MALAT1: variants seen among roughly 807,000 people sequenced by gnomAD.
MALAT1 encodes hepcarcin.
chr11:65,505,037 G>C lies in MALAT1; in HGVS notation n.5168+1132G>C, dbSNP rs867944902. 7.7e-6 allele frequency: 4 copies of C among 518,832 alleles called. No homozygotes were observed. The Middle Eastern group carries it at 1.3e-3, about 165-fold the overall frequency. 32.1% of individuals were successfully genotyped at this position (518,832 alleles called of 1,614,324 possible). On this transcript the variant is annotated intron_variant and non_coding_transcript_variant, in intron 3 of 3. Transcript: ENST00000619449. ...GAAAACAGGTGAACAAGCTTTTTCT[G>C]TATTTACATACAAAGTCAGATCAGT...
exon 3 of MALAT1, chr11:65,500,601 A>G (rs773732397): frequency 1.9e-6 from 1 of 518,954 alleles, no homozygotes; most frequent in South Asian, 1.4e-5. Context: ...TTGGTGGTGA[A>G]GCTAGGAAAA....
chr11:65,505,875 T>G (rs372537639), intron 3 of MALAT1: 14 of 445,992 alleles, frequency 3.1e-5, no homozygotes, highest in African/African-American at 2.8e-4. Flanking sequence ...ACTTGTAGAC[T>G]GGAGAAGATA....
chr11:65,498,750 C>T lies in MALAT1; in HGVS notation n.231+16C>T, dbSNP rs767437687. The T allele has an allele frequency of 1.5e-5, 8 of 518,656 alleles. No homozygotes were observed. In the East Asian group the frequency reaches 2.7e-4, roughly 18 times the overall value. 32.1% of individuals were successfully genotyped at this position (518,656 alleles called of 1,614,324 possible). A position where few individuals can be genotyped will look rare whatever the true frequency, so the allele number is the denominator to read the frequency against. On this transcript the variant is annotated intron_variant and non_coding_transcript_variant, in intron 2 of 3. Transcript: ENST00000619449. ...GCTTTAAGAGGTATTTTAAAAGTTC[C>T]GGGGGTTTTGTGAGGTGTTTGATGA... is the stretch of plus-strand genomic sequence containing the variant.
chr11:65,504,252 T>G (rs751455512), intron 3 of MALAT1: 5 of 518,370 alleles, frequency 9.6e-6, no homozygotes, highest in Non-Finnish European at 1.5e-5. Flanking sequence ...ATACTCAAAA[T>G]TTTTTTCCTG....
exon 3 of MALAT1, chr11:65,502,614 G>A (rs1263004371): frequency 4.2e-6 from 2 of 474,966 alleles, no homozygotes; most frequent in South Asian, 1.6e-5. Context: ...ATGAGGGAGG[G>A]GAAACTTTTT....
chr11:65,506,359 C>G (rs1260778486), exon 4 of MALAT1: 1 of 451,326 alleles, frequency 2.2e-6, no homozygotes, highest in Non-Finnish European at 4.3e-6. Context: ...ACACGAGAAC[C>G]TAATATAACT....
chr11:65,499,950 A>T, exon 3 of MALAT1: 1 of 432,492 alleles, frequency 2.3e-6, no homozygotes, highest in Non-Finnish European at 4.5e-6. Flanking sequence ...GAAGATAGAA[A>T]AATATAAAGC....
exon 3 of MALAT1, chr11:65,502,211 G>C (rs1211322691): frequency 1.9e-6 from 1 of 518,812 alleles, no homozygotes; most frequent in Non-Finnish European, 3.8e-6. Context: ...CTACTGGGCT[G>C]ACATTAACTA....
At chr11:65,504,789 C>G (rs372903040) in intron 3 of MALAT1, 1 of 518,882 alleles carries the variant, frequency 1.9e-6, no homozygotes, top group East Asian at 5.4e-5. Flanking sequence ...GTTTCTCTCT[C>G]CCCTCCCTTG....
chr11:65,504,288 G>A (rs749644165), intron 3 of MALAT1: 3 of 512,156 alleles, frequency 5.9e-6, no homozygotes, highest in Admixed American at 2.0e-5. Flanking sequence ...GGAGGAGGGG[G>A]TGGGGCTTAC....
At chr11:65,502,767 G>A (rs757928512) in exon 3 of MALAT1, 27 of 515,600 alleles carry the variant, frequency 5.2e-5, no homozygotes, top group South Asian at 3.8e-4. Flanking sequence ...CTCCATTGGG[G>A]AATAAGCATA....
At chr11:65,504,362 T>C (rs549825418) in intron 3 of MALAT1, 1 of 518,122 alleles carries the variant, frequency 1.9e-6, no homozygotes, top group African/African-American at 1.9e-5. Context: ...ACTTCAGGTC[T>C]GTCTGTTCTG....
chr11:65,498,292 C>T (rs751168864), intron 1 of MALAT1: 1 of 518,538 alleles, frequency 1.9e-6, no homozygotes, highest in Admixed American at 1.9e-5. Context: ...TCAGGAGAGC[C>T]TGGAAGCTGA....
intron 3 of MALAT1, chr11:65,506,246 G>GGAGTTTTGGGGAGGT (rs747111401): frequency 1.8e-5 from 8 of 455,220 alleles, no homozygotes; most frequent in Non-Finnish European, 3.4e-5. Context: ...GCTAGTTCTT[G>GGAGTTTTGGGGAGGT]GAGTTTTGGG....
chr11:65,502,043 T>G (rs1405896963), exon 3 of MALAT1: 1 of 517,286 alleles, frequency 1.9e-6, no homozygotes, highest in Non-Finnish European at 3.9e-6. Context: ...TCCCCCCAGT[T>G]TGAATTGGGA....
intron 3 of MALAT1, chr11:65,505,481 A>G (rs1210190846): frequency 5.8e-6 from 3 of 513,246 alleles, no homozygotes; most frequent in South Asian, 1.4e-5. Context: ...AAAGGGGGAA[A>G]GCGGGCAACC....
At chr11:65,503,927 A>G (rs1411644179) in intron 3 of MALAT1, 5 of 516,722 alleles carry the variant, frequency 9.7e-6, no homozygotes, top group Admixed American at 7.8e-5. Context: ...TGATCAGAGT[A>G]AAAGGTAATT....
chr11:65,504,436 G>A (rs747485067), intron 3 of MALAT1: 1 of 518,876 alleles, frequency 1.9e-6, no homozygotes, highest in South Asian at 1.4e-5. Context: ...GAAACGACTG[G>A]AGTATGATTA....
At chr11:65,500,257 A>C (rs1288664453) in exon 3 of MALAT1, 1 of 518,634 alleles carries the variant, frequency 1.9e-6, no homozygotes, top group East Asian at 5.4e-5. Flanking sequence ...ATAGTAGCTT[A>C]GTTTGAAAAA....
Sources: gnomAD v4.1 joint callset for allele counts on GRCh38, gnomAD v4.1.1 for gene constraint, MANE v1.5 for transcripts, NCBI Gene and HGNC (gene_info 2026-07-23, HGNC 2026-07-21) for gene names.